Variants in SDK1 observed in about 807,000 individuals in gnomAD.
The protein encoded by SDK1 is protein sidekick-1.
A neutral mutation model predicts 245.5 loss-of-function variants in SDK1; 157 were observed. The ratio of observed to expected loss-of-function variants is 0.64; its 90% CI spans 0.56 to 0.73. The LOEUF (loss-of-function observed/expected upper bound fraction) is 0.73. Ranked by LOEUF, SDK1 falls within the 30% of genes least tolerant of loss-of-function variation. The probability of loss-of-function intolerance (pLI) is 0.00; values close to 1 mark genes in which losing one functional copy is unlikely to be tolerated. For missense variants in SDK1, 3,583 were observed against 3,002.3 expected (o/e 1.19, Z -4.52); for synonymous variants, 1,647 against 1,278.5 (o/e 1.29, Z -6.15).
At chr7:3,329,053 T>C (rs191534150) in intron 1 of SDK1, among the ~76,000 whole-genome samples, 2 of 152,170 alleles carry the variant, frequency 1.3e-5, no homozygotes, top group Non-Finnish European at 2.9e-5. Flanking sequence ...GTTTATCCCC[T>C]CTCTTGCTAC....
intron 4 of SDK1, among the ~76,000 whole-genome samples, chr7:3,689,232 C>T (rs1178031544): frequency 3.9e-5 from 6 of 152,180 alleles, no homozygotes; most frequent in Non-Finnish European, 7.3e-5. Flanking sequence ...GTCAGGTTTC[C>T]AGCTTCCCTT....
At chr7:3,357,712 C>G (rs1301808535) in intron 1 of SDK1, among the ~76,000 whole-genome samples, 1 of 152,056 alleles carries the variant, frequency 6.6e-6, no homozygotes, top group East Asian at 1.9e-4. Flanking sequence ...GCCCTCACAT[C>G]CCTCCACTTT....
At chr7:4,197,802 G>A (rs1355501089) in intron 35 of SDK1, among the ~76,000 whole-genome samples, 5 of 152,232 alleles carry the variant, frequency 3.3e-5, no homozygotes, top group African/African-American at 4.8e-5. Flanking sequence ...ACCTTCAGAT[G>A]TGGGAGGACT....
intron 1 of SDK1, among the ~76,000 whole-genome samples, chr7:3,349,622 C>T (rs917859090): frequency 6.6e-6 from 1 of 151,968 alleles, no homozygotes; most frequent in Admixed American, 6.6e-5. Flanking sequence ...TTTTTTGAGA[C>T]GTAGTCTGGC....
rs548627548 is a variant in SDK1, at chr7:3,988,502, G to A, written c.2131+1180G>A. Among the ~76,000 whole-genome samples the A allele has an allele frequency of 7.2e-4, 109 of 152,190 alleles. 1 individual carries two copies. Among genetic ancestry groups the A allele is most frequent in the South Asian group, 4.6e-3 (22 of 4,808 alleles). On this transcript the variant is annotated intron_variant, in intron 14 of 44. Coordinates refer to ENST00000404826, the MANE Select transcript of SDK1 (RefSeq NM_152744.4). ...CACGTCCTGCAGGGGTTCCTGCTGC[G>A]TGCAATATAGAAGCCAAATGCCTCG...
intron 4 of SDK1, among the ~76,000 whole-genome samples, chr7:3,702,334 C>T (rs1000997187): frequency 4.6e-5 from 7 of 152,204 alleles, no homozygotes; most frequent in Admixed American, 2.0e-4. Flanking sequence ...TACTATTGTA[C>T]GTTTTCTTGT....
intron 5 of SDK1, among the ~76,000 whole-genome samples, chr7:3,831,121 T>C (rs1779902614): frequency 6.6e-6 from 1 of 152,230 alleles, no homozygotes; most frequent in African/African-American, 2.4e-5. Context: ...GCAGTCATTT[T>C]ACAATCTCTG....
At chr7:3,701,014 G>A (rs1784723454) in intron 4 of SDK1, among the ~76,000 whole-genome samples, 1 of 152,154 alleles carries the variant, frequency 6.6e-6, no homozygotes, top group Non-Finnish European at 1.5e-5. Context: ...AGCCCCATAG[G>A]GCTGGGGAGG....
At chr7:4,202,987 C>T (rs1198971104) in intron 35 of SDK1, among the ~76,000 whole-genome samples, 3 of 152,210 alleles carry the variant, frequency 2.0e-5, no homozygotes, top group Non-Finnish European at 2.9e-5. Context: ...TGTGTCCCAG[C>T]GGCTGCTTTT....
intron 1 of SDK1, among the ~76,000 whole-genome samples, chr7:3,427,380 G>A (rs1289750261): frequency 6.6e-6 from 1 of 152,024 alleles, no homozygotes; most frequent in African/African-American, 2.4e-5. Flanking sequence ...TTGGCTGGGT[G>A]TGGTGGCGGG....
intron 38 of SDK1, among the ~76,000 whole-genome samples, chr7:4,211,255 G>C (rs1784497285): frequency 6.6e-6 from 1 of 152,192 alleles, no homozygotes; most frequent in Admixed American, 6.5e-5. Context: ...CAACACAGAG[G>C]ACTTTGAAAG....
Position 4,039,268 on chromosome 7 carries a change from G to A in SDK1, c.2603-10080G>A, listed in dbSNP as rs1011505412. On this transcript the variant is annotated intron_variant, in intron 17 of 44. Coordinates refer to ENST00000404826, the MANE Select transcript of SDK1 (RefSeq NM_152744.4). ...GTATACATATGTAACTAACCAGCACGTTGTGCACATGTACCGGAAAACTTA... is the reference window on the plus strand; with the variant it reads ...GTATACATATGTAACTAACCAGCACATTGTGCACATGTACCGGAAAACTTA... Among the ~76,000 whole-genome samples the A allele has an allele frequency of 9.0e-4, 137 of 151,700 alleles. 2 individuals carry two copies. Among genetic ancestry groups the A allele is most frequent in the African/African-American group, 3.0e-3 (123 of 41,290 alleles).
rs562702043 is a variant in SDK1 at position 3,995,806 on chromosome 7, C to T, written c.2131+8484C>T. On this transcript the variant is annotated intron_variant, in intron 14 of 44. Coordinates refer to ENST00000404826, the MANE Select transcript of SDK1 (RefSeq NM_152744.4). ...ATTTTCTTTGCCCCATTTATCTATC[C>T]AAGGCCTTAGGGATTTTTTTTTTTT... 2.2e-5 allele frequency among the ~76,000 whole-genome samples: 3 copies of T among 136,784 alleles called. No homozygotes were observed. The South Asian group carries it at 7.2e-4, about 33-fold the overall frequency. The allele number at this position is 136,784 out of a possible 152,430, so 89.7% of individuals were successfully genotyped here.
At chr7:3,415,774 T>C (rs1779348852) in intron 1 of SDK1, among the ~76,000 whole-genome samples, 1 of 151,820 alleles carries the variant, frequency 6.6e-6, no homozygotes, top group African/African-American at 2.4e-5. Context: ...ACTGTACATT[T>C]CTTCGGAGTA....
chr7:4,258,400 G>T (rs1001173667), intron 44 of SDK1, among the ~76,000 whole-genome samples: 6 of 152,194 alleles, frequency 3.9e-5, no homozygotes, highest in African/African-American at 1.4e-4. Context: ...CCGAGTGGGT[G>T]CAAGACAGAC....
chr7:4,028,746 G>A (rs1224643258), intron 17 of SDK1, among the ~76,000 whole-genome samples: 1 of 152,132 alleles, frequency 6.6e-6, no homozygotes, highest in East Asian at 1.9e-4. Context: ...GGTTTTGATC[G>A]GCTCCCTGTC....
intron 5 of SDK1, among the ~76,000 whole-genome samples, chr7:3,839,680 C>G (rs1007120685): frequency 2.0e-5 from 3 of 152,116 alleles, no homozygotes; most frequent in African/African-American, 7.2e-5. Context: ...AGAACATTCC[C>G]ATTTATCTCA....
At chr7:3,600,072 C>T (rs778217625) in intron 1 of SDK1, among the ~76,000 whole-genome samples, 6 of 152,122 alleles carry the variant, frequency 3.9e-5, no homozygotes, top group Admixed American at 2.0e-4. Context: ...TGGTGTGTCT[C>T]CTCATTTAAT....
intron 4 of SDK1, among the ~76,000 whole-genome samples, chr7:3,774,592 C>T (rs1329881904): frequency 1.3e-5 from 2 of 152,150 alleles, no homozygotes; most frequent in Non-Finnish European, 2.9e-5. Flanking sequence ...TAAGTAGCCT[C>T]CAGAGTTCCA....
Sources: gnomAD v4.1 joint callset for allele counts (sites outside exome capture counted in the v4.1 genomes callset) on GRCh38, gnomAD v4.1.1 for gene constraint, MANE v1.5 for transcripts, NCBI Gene and HGNC (gene_info 2026-07-23, HGNC 2026-07-21) for gene names.